BRDT: variants seen among roughly 807,000 people sequenced by gnomAD.
BRDT encodes the protein bromodomain testis associated, also known as bromodomain testis-specific protein.
A neutral mutation model predicts 113.9 loss-of-function variants in BRDT; 77 were observed. The ratio of observed to expected loss-of-function variants is 0.68; its 90% CI spans 0.56 to 0.82. The LOEUF (loss-of-function observed/expected upper bound fraction) is 0.82. BRDT is among the 40% of genes least tolerant of loss of function. The probability of loss-of-function intolerance (pLI) is 0.00; values close to 1 mark genes in which losing one functional copy is unlikely to be tolerated. For missense variants in BRDT, 1,027 were observed against 1,105.4 expected (o/e 0.93, Z 1.01); for synonymous variants, 358 against 366.5 (o/e 0.98, Z 0.26).
At chr1:91,964,572 A>G in intron 2 of BRDT, 55 bp from the exon 3 acceptor site, 1 of 1,102,532 alleles carries the variant, frequency 9.1e-7, no homozygotes, top group South Asian at 2.6e-5. Flanking sequence ...TTTGTGTATC[A>G]ATAGTTGTAG....
chr1:91,955,618 A>AT (rs1454257776), intron 1 of BRDT, among the ~76,000 whole-genome samples: 2 of 152,236 alleles, frequency 1.3e-5, no homozygotes, highest in Non-Finnish European at 2.9e-5. Context: ...GCAAAGTATC[A>AT]TAAAAAGCCA....
At chr1:91,970,694 A>G (rs1683540875) in intron 4 of BRDT, among the ~76,000 whole-genome samples, 1 of 152,184 alleles carries the variant, frequency 6.6e-6, no homozygotes, top group African/African-American at 2.4e-5. Flanking sequence ...GGAGGATTAC[A>G]TGAGCCCAGG....
intron 1 of BRDT, among the ~76,000 whole-genome samples, chr1:91,951,552 T>G (rs1186096402): frequency 2.6e-5 from 4 of 151,798 alleles, no homozygotes; most frequent in Non-Finnish European, 5.9e-5. Flanking sequence ...ATCCCAGCAC[T>G]TTGGGAGTCA....
intron 15 of BRDT, 99 bp downstream of exon 15, chr1:91,994,353 G>A: frequency 3.1e-6 from 3 of 982,846 alleles, no homozygotes; most frequent in South Asian, 1.9e-5. Flanking sequence ...TAAATATCTG[G>A]GAAATACCAA....
At chr1:91,990,757 T>C (rs1685675063) in intron 12 of BRDT, among the ~76,000 whole-genome samples, 1 of 152,156 alleles carries the variant, frequency 6.6e-6, no homozygotes, top group South Asian at 2.1e-4. Context: ...AAGGATTTCT[T>C]GATATGTTTG....
intron 2 of BRDT, among the ~76,000 whole-genome samples, chr1:91,964,285 T>C (rs1682823696): frequency 6.6e-6 from 1 of 152,258 alleles, no homozygotes. Flanking sequence ...GGTCTCGAAC[T>C]CGTGACCTCA....
chr1:91,958,305 TC>T (rs1189258333), intron 1 of BRDT, among the ~76,000 whole-genome samples: 2 of 150,992 alleles, frequency 1.3e-5, no homozygotes, highest in East Asian at 3.9e-4. Context: ...AACCTTTGTC[TC>T]CAGGGTTCAA....
chr1:92,008,648 C>T (rs925350282), intron 18 of BRDT, among the ~76,000 whole-genome samples: 1 of 152,180 alleles, frequency 6.6e-6, no homozygotes, highest in Admixed American at 6.5e-5. Flanking sequence ...CTGAAAGTCT[C>T]CTGTGGCCCA....
rs191698214 is a variant in BRDT, at chr1:91,967,391, G to A, written c.331-755G>A. Among the ~76,000 whole-genome samples the A allele has an allele frequency of 2.0e-3, 297 of 146,292 alleles. 5 individuals are homozygous for A. The highest frequency in any genetic ancestry group is 1.8e-3 in the Non-Finnish European group (122 of 66,570). ...GCTGGGATTACAGGCATGCGCAACCGCACCTGGCTAATTTTTTTTTTTTTT... is the reference window on the plus strand; with the variant it reads ...GCTGGGATTACAGGCATGCGCAACCACACCTGGCTAATTTTTTTTTTTTTT... On this transcript the variant is annotated intron_variant, in intron 3 of 18. Transcript: ENST00000399546.
rs55912588 is a variant in BRDT, at chr1:91,981,052, C to G, written c.1624C>G (p.Pro542Ala). Reference protein sequence around the residue: ...RVVHIIQSREPSLSNSNPDEI... With the variant: ...RVVHIIQSREASLSNSNPDEI... ...AGTTCACATAATACAATCAAGAGAG[C>G]CTTCTCTGAGCAATTCCAATCCTGA... Residue 542 changes from proline to alanine, a missense_variant, in exon 10 of 19, where the codon CCT becomes GCT. Transcript: ENST00000399546. The G allele has an allele frequency of 1.5e-5, 24 of 1,614,090 alleles. No homozygotes were observed. Among genetic ancestry groups the G allele is most frequent in the East Asian group, 8.9e-5 (4 of 44,846 alleles).
At chr1:91,957,506 T>A (rs528494798) in intron 1 of BRDT, 31 of 151,482 alleles carry the variant, frequency 2.0e-4, no homozygotes, top group African/African-American at 6.1e-4. Flanking sequence ...AAAAAAAAAA[T>A]TTTATGTTTT....
intron 15 of BRDT, among the ~76,000 whole-genome samples, chr1:91,997,821 C>T (rs918342078): frequency 1.3e-5 from 2 of 152,114 alleles, no homozygotes; most frequent in Admixed American, 6.6e-5. Flanking sequence ...GCACTATGCC[C>T]AAGGGAAATT....
intron 18 of BRDT, among the ~76,000 whole-genome samples, chr1:92,013,187 C>T (rs1047369480): frequency 2.1e-5 from 3 of 142,524 alleles, no homozygotes; most frequent in African/African-American, 7.8e-5. Context: ...CACTGCACTC[C>T]AGCCTGGGTG....
chr1:91,985,471 A>C (rs938445799), intron 12 of BRDT, among the ~76,000 whole-genome samples: 1 of 152,088 alleles, frequency 6.6e-6, no homozygotes, highest in Admixed American at 6.6e-5. Flanking sequence ...CTGGGATTAC[A>C]GGAGTGAGCC....
intron 1 of BRDT, among the ~76,000 whole-genome samples, chr1:91,958,308 A>AG: frequency 6.8e-6 from 1 of 146,254 alleles, no homozygotes; most frequent in South Asian, 2.1e-4. Flanking sequence ...CTTTGTCTCC[A>AG]GGGTTCAAGC....
chr1:91,984,096 CTG>C (rs750755507), intron 12 of BRDT, among the ~76,000 whole-genome samples: 15 of 152,166 alleles, frequency 9.9e-5, no homozygotes, highest in Non-Finnish European at 1.9e-4. Flanking sequence ...TATGAACAAA[CTG>C]TGCTTTACTG....
At chr1:92,006,918 G>A (rs1687367470) in intron 18 of BRDT, among the ~76,000 whole-genome samples, 1 of 152,090 alleles carries the variant, frequency 6.6e-6, no homozygotes, top group South Asian at 2.1e-4. Context: ...CTCCCGAGTA[G>A]CTGGGATTAC....
chr1:91,959,204 G>A (rs1034055576), intron 1 of BRDT, among the ~76,000 whole-genome samples: 1 of 152,072 alleles, frequency 6.6e-6, no homozygotes, highest in Non-Finnish European at 1.5e-5. Flanking sequence ...GTAATACATA[G>A]TAAATAATAC....
At chr1:91,973,227 C>A (rs1191932782) in intron 4 of BRDT, among the ~76,000 whole-genome samples, 5 of 152,156 alleles carry the variant, frequency 3.3e-5, no homozygotes, top group Non-Finnish European at 5.9e-5. Flanking sequence ...ATGCCTCCAG[C>A]TTTGTTCTTT....
Sources: allele counts gnomAD v4.1 joint callset (sites outside exome capture counted in the v4.1 genomes callset), GRCh38; gene constraint gnomAD v4.1.1; transcripts MANE v1.5; gene names NCBI Gene and HGNC (gene_info 2026-07-23, HGNC 2026-07-21).